Variants in TUSC3 observed in about 807,000 individuals in gnomAD.
TUSC3 encodes the protein dolichyl-diphosphooligosaccharide--protein glycosyltransferase subunit TUSC3.
Under a neutral mutation model 44.8 loss-of-function variants are expected in TUSC3, and 45 were observed. The ratio of observed to expected loss-of-function variants is 1.00; its 90% CI spans 0.79 to 1.29. The LOEUF (loss-of-function observed/expected upper bound fraction) is 1.29. Ranked by LOEUF, TUSC3 falls within the 50% of genes most tolerant of loss-of-function variation. TUSC3 has a pLI of 0.00. For missense variants in TUSC3, 519 were observed against 437.9 expected (o/e 1.19, Z -1.65); for synonymous variants, 212 against 152.9 (o/e 1.39, Z -2.85).
At chr8:15,428,419 G>T (rs879127170) in intron 1 of TUSC3, among the ~76,000 whole-genome samples, 1 of 151,380 alleles carries the variant, frequency 6.6e-6, no homozygotes, top group Admixed American at 6.6e-5. Flanking sequence ...GAATAGTGCC[G>T]CAATAAACAT....
chr8:15,481,705 T>C (rs1467473611), intron 1 of TUSC3, among the ~76,000 whole-genome samples: 1 of 152,164 alleles, frequency 6.6e-6, no homozygotes, highest in Non-Finnish European at 1.5e-5. Context: ...TGAAAAACAA[T>C]GTACATACCT....
the TUSC3 span, among the ~76,000 whole-genome samples, chr8:15,801,181 A>T: frequency 6.6e-6 from 1 of 152,216 alleles, no homozygotes; most frequent in African/African-American, 2.4e-5. Flanking sequence ...TCTTGATTAT[A>T]TGCTAAACAA....
chr8:15,841,167 TTA>T, the TUSC3 span, among the ~76,000 whole-genome samples: 17 of 149,644 alleles, frequency 1.1e-4, no homozygotes, highest in South Asian at 4.3e-4. Context: ...GCTATATGTT[TTA>T]TATATATATA....
the TUSC3 span, among the ~76,000 whole-genome samples, chr8:15,809,229 G>A: frequency 3.9e-5 from 6 of 152,278 alleles, no homozygotes; most frequent in East Asian, 9.7e-4. Flanking sequence ...GAGGGTGTGA[G>A]GATGTTGGGA....
chr8:15,442,357 T>A (rs1047411900), intron 1 of TUSC3, among the ~76,000 whole-genome samples: 1 of 152,126 alleles, frequency 6.6e-6, no homozygotes. Context: ...TTTTATTTAT[T>A]TGATAAATAA....
intron 6 of TUSC3, among the ~76,000 whole-genome samples, chr8:15,702,334 ACTTG>A (rs1343236786): frequency 1.3e-5 from 2 of 152,182 alleles, no homozygotes; most frequent in African/African-American, 4.8e-5. Context: ...TAGATAGGGA[ACTTG>A]CTTTCTCATG....
chr8:15,784,063 A>C, the TUSC3 span, among the ~76,000 whole-genome samples: 1 of 152,228 alleles, frequency 6.6e-6, no homozygotes. Context: ...ATTTCACAAA[A>C]GAATACATAT....
intron 3 of TUSC3, among the ~76,000 whole-genome samples, chr8:15,651,795 T>C (rs1806917743): frequency 6.6e-6 from 1 of 152,216 alleles, no homozygotes; most frequent in African/African-American, 2.4e-5. Flanking sequence ...CAGTATTCTC[T>C]ATAGAGCAAG....
At chr8:15,638,666 C>T (rs1806210236) in intron 2 of TUSC3, among the ~76,000 whole-genome samples, 1 of 151,906 alleles carries the variant, frequency 6.6e-6, no homozygotes, top group Non-Finnish European at 1.5e-5. Flanking sequence ...GCTGGGATTA[C>T]AGACATGTGG....
At chr8:15,712,440 C>T (rs575947435) in intron 6 of TUSC3, among the ~76,000 whole-genome samples, 62 of 152,182 alleles carry the variant, frequency 4.1e-4, no homozygotes, top group African/African-American at 1.4e-3. Flanking sequence ...ACTTGAAATT[C>T]ACATCGAGTT....
chr8:15,443,230 G>A (rs1800043817), intron 1 of TUSC3, among the ~76,000 whole-genome samples: 1 of 151,806 alleles, frequency 6.6e-6, no homozygotes, highest in African/African-American at 2.4e-5. Context: ...CTGGAGTGCA[G>A]TGGTGTGATC....
chr8:15,674,513 T>C (rs1808094688), intron 6 of TUSC3, among the ~76,000 whole-genome samples: 1 of 152,010 alleles, frequency 6.6e-6, no homozygotes, highest in Admixed American at 6.6e-5. Flanking sequence ...AAAAGATACG[T>C]ATTTTGAGAA....
intron 9 of TUSC3, among the ~76,000 whole-genome samples, chr8:15,751,893 A>G (rs1160591338): frequency 6.6e-6 from 1 of 152,194 alleles, no homozygotes; most frequent in African/African-American, 2.4e-5. Flanking sequence ...TTACCCAGGT[A>G]AATCTGATAT....
At chr8:15,837,720 A>G in the TUSC3 span, among the ~76,000 whole-genome samples, 11 of 152,174 alleles carry the variant, frequency 7.2e-5, no homozygotes, top group Admixed American at 6.5e-4. Context: ...CAAATTGACT[A>G]AATTTTTTTA....
rs1811292488 is a variant in TUSC3 at position 15,743,745 on chromosome 8, T to G, written c.937+133T>G. 8 of 996,094 alleles carry G rather than the reference T, an allele frequency of 8.0e-6. No homozygotes were observed. In the Admixed American group the frequency reaches 1.5e-4, roughly 18 times the overall value. The allele number at this position is 996,094 out of a possible 1,614,324, so 61.7% of individuals were successfully genotyped here. A position where few individuals can be genotyped will look rare whatever the true frequency, so the allele number is the denominator to read the frequency against. On this transcript the variant is annotated intron_variant, in intron 8 of 10. Transcript: ENST00000503731. Reference sequence around the variant, plus strand: ...GTTCTGGTTTGAAGAAGATTTTAACTTTTTTCTATTGCTGGGATGTGTTCA... The same window carrying G: ...GTTCTGGTTTGAAGAAGATTTTAACGTTTTTCTATTGCTGGGATGTGTTCA...
chr8:15,514,204 C>G (rs978861344), intron 2 of TUSC3, among the ~76,000 whole-genome samples: 5 of 152,098 alleles, frequency 3.3e-5, no homozygotes, highest in African/African-American at 1.2e-4. Context: ...CGTAGATACC[C>G]AGATCTGGTT....
the TUSC3 span, among the ~76,000 whole-genome samples, chr8:15,808,494 CTT>C: frequency 1.7e-4 from 26 of 152,094 alleles, no homozygotes; most frequent in Admixed American, 2.0e-4. Context: ...ATATATATCT[CTT>C]GTTGGCCAAT....
the TUSC3 span, among the ~76,000 whole-genome samples, chr8:15,772,314 G>T: frequency 1.3e-5 from 2 of 152,016 alleles, no homozygotes; most frequent in Admixed American, 6.5e-5. Context: ...CTAAGAAAAA[G>T]ATACAAATTA....
At chr8:15,508,743 A>G (rs190228268) in intron 2 of TUSC3, among the ~76,000 whole-genome samples, 15 of 152,166 alleles carry the variant, frequency 9.9e-5, no homozygotes, top group African/African-American at 1.9e-4. Context: ...TTACAGGCGT[A>G]AGCCACCGCA....
Sources: allele counts gnomAD v4.1 joint callset (sites outside exome capture counted in the v4.1 genomes callset), GRCh38; gene constraint gnomAD v4.1.1; transcripts MANE v1.5; gene names NCBI Gene and HGNC (gene_info 2026-07-23, HGNC 2026-07-21).